DOK5: variants seen among roughly 807,000 people sequenced by gnomAD.
DOK5 encodes the protein downstream of tyrosine kinase 5.
Under a neutral mutation model 43.3 loss-of-function variants are expected in DOK5, and 27 were observed. The ratio of observed to expected loss-of-function variants is 0.62; its 90% confidence interval spans 0.46 to 0.86. DOK5 has a LOEUF of 0.86. Among genes scored for constraint, DOK5 ranks in the 40% least tolerant of loss-of-function variants. The pLI, the probability that DOK5 is intolerant of heterozygous loss-of-function variation, is 0.00. For synonymous variants in DOK5, 146 were observed against 140.1 expected, an observed-to-expected ratio of 1.04 and a Z score of -0.30; for missense variants, 373 against 392.9, an observed-to-expected ratio of 0.95 and a Z score of 0.43.
intron 6 of DOK5, among the ~76,000 whole-genome samples, chr20:54,617,170 G>T (rs1986840997): frequency 6.6e-6 from 1 of 152,086 alleles, no homozygotes; most frequent in African/African-American, 2.4e-5. Flanking sequence ...ACAGTTTCTT[G>T]CTGGCTGTTG....
intron 1 of DOK5, among the ~76,000 whole-genome samples, chr20:54,553,240 G>C (rs927873040): frequency 1.4e-3 from 214 of 152,266 alleles, no homozygotes; most frequent in Non-Finnish European, 2.4e-3. Flanking sequence ...CTGTCGCCCA[G>C]GCTGGAGTGC....
chr20:54,555,887 C>T (rs749219238), intron 2 of DOK5, among the ~76,000 whole-genome samples: 31 of 152,136 alleles, frequency 2.0e-4, no homozygotes, highest in Non-Finnish European at 4.1e-4. Context: ...AAATTTTATG[C>T]GAAACCAGTT....
intron 1 of DOK5, among the ~76,000 whole-genome samples, chr20:54,543,973 G>A (rs1568775747): frequency 1.3e-5 from 2 of 152,268 alleles, no homozygotes; most frequent in East Asian, 1.9e-4. Flanking sequence ...CCTGGAAGCA[G>A]TATTTCTGGG....
intron 1 of DOK5, among the ~76,000 whole-genome samples, chr20:54,499,090 G>A (rs956105915): frequency 1.3e-5 from 2 of 152,122 alleles, no homozygotes; most frequent in African/African-American, 4.8e-5. Flanking sequence ...CTTGTCCTAG[G>A]CCACATGGTC....
chr20:54,573,783 A>G (rs558568259), intron 2 of DOK5, among the ~76,000 whole-genome samples: 67 of 152,218 alleles, frequency 4.4e-4, no homozygotes, highest in Admixed American at 4.4e-3. Context: ...TAGCATCACA[A>G]TAAGGCCATG....
intron 1 of DOK5, among the ~76,000 whole-genome samples, chr20:54,508,108 T>A (rs1040428230): frequency 3.9e-5 from 6 of 152,106 alleles, no homozygotes; most frequent in African/African-American, 1.4e-4. Flanking sequence ...ATGCCAAAGT[T>A]GGGTTTAGAC....
chr20:54,478,124 C>A (rs762903525), intron 1 of DOK5, among the ~76,000 whole-genome samples: 4 of 152,290 alleles, frequency 2.6e-5, no homozygotes, highest in South Asian at 4.2e-4. Context: ...GAGAAAAGGT[C>A]AAAAATATGA....
At chr20:54,518,345 A>G (rs181987291) in intron 1 of DOK5, among the ~76,000 whole-genome samples, 3,188 of 151,646 alleles carry the variant, frequency 0.021, 118 homozygotes, top group African/African-American at 0.074. Context: ...TCATTGTTCA[A>G]TTCCCACCTA....
chr20:54,539,728 C>T (rs1319239166), intron 1 of DOK5, among the ~76,000 whole-genome samples: 3 of 152,122 alleles, frequency 2.0e-5, no homozygotes, highest in East Asian at 1.9e-4. Context: ...CTTGACTGCT[C>T]ATGTGTGAAT....
chr20:54,573,420 G>A lies in DOK5; in HGVS notation c.175-15063G>A, dbSNP rs911844393. ...TAATAAAGTTAGGCGAGGCGCGGTGGCTCATGCCTGTAATCCCAGCACTTT... is the reference window on the plus strand; with the variant it reads ...TAATAAAGTTAGGCGAGGCGCGGTGACTCATGCCTGTAATCCCAGCACTTT... On this transcript the variant is annotated intron_variant, in intron 2 of 7. Coordinates refer to ENST00000262593, the MANE Select transcript of DOK5 (RefSeq NM_018431.5). Among the ~76,000 whole-genome samples the A allele has an allele frequency of 1.2e-4, 18 of 152,254 alleles. No homozygotes were observed. The East Asian group carries it at 3.3e-3, about 28-fold the overall frequency.
intron 1 of DOK5, among the ~76,000 whole-genome samples, chr20:54,534,430 C>A (rs1181605837): frequency 6.6e-6 from 1 of 152,182 alleles, no homozygotes; most frequent in Non-Finnish European, 1.5e-5. Flanking sequence ...CCCAAGTGAT[C>A]TGCCTGCCTC....
At chr20:54,480,015 T>G (rs1470460860) in intron 1 of DOK5, among the ~76,000 whole-genome samples, 3 of 151,862 alleles carry the variant, frequency 2.0e-5, no homozygotes, top group Admixed American at 2.0e-4. Flanking sequence ...CCTCCTCATC[T>G]CCTCCCTGTA....
chr20:54,482,322 A>G (rs1981751843), intron 1 of DOK5, among the ~76,000 whole-genome samples: 2 of 152,090 alleles, frequency 1.3e-5, no homozygotes, highest in African/African-American at 2.4e-5. Context: ...AAAAATAAAC[A>G]TTTTCTAATT....
chr20:54,479,435 G>A (rs970033052), intron 1 of DOK5, among the ~76,000 whole-genome samples: 2 of 152,130 alleles, frequency 1.3e-5, no homozygotes, highest in African/African-American at 2.4e-5. Context: ...TCGATTAAAT[G>A]CACTAAAAAT....
intron 1 of DOK5, among the ~76,000 whole-genome samples, chr20:54,511,497 A>G (rs1340590613): frequency 1.3e-5 from 2 of 152,356 alleles, no homozygotes; most frequent in East Asian, 3.9e-4. Flanking sequence ...CTAGTATGCT[A>G]GTTTGTTATA....
chr20:54,524,992 T>C (rs1442591617), intron 1 of DOK5, among the ~76,000 whole-genome samples: 2 of 152,184 alleles, frequency 1.3e-5, no homozygotes, highest in African/African-American at 4.8e-5. Context: ...TTGAGGGTGT[T>C]CCCAAGCGGG....
At chr20:54,579,426 C>T (rs917381071) in intron 2 of DOK5, among the ~76,000 whole-genome samples, 1 of 151,486 alleles carries the variant, frequency 6.6e-6, no homozygotes, top group African/African-American at 2.4e-5. Flanking sequence ...TAAGACTTAC[C>T]CACTTAACAA....
chr20:54,587,946 A>G (rs1985861094), intron 2 of DOK5, among the ~76,000 whole-genome samples: 1 of 152,188 alleles, frequency 6.6e-6, no homozygotes, highest in Admixed American at 6.5e-5. Context: ...GTCGTTTCTG[A>G]GACTCTTGAC....
intron 1 of DOK5, among the ~76,000 whole-genome samples, chr20:54,507,088 G>A (rs1454227158): frequency 6.6e-6 from 1 of 152,162 alleles, no homozygotes; most frequent in African/African-American, 2.4e-5. Flanking sequence ...TATAAAATCA[G>A]TCATTTGTTT....
Sources: allele counts gnomAD v4.1 joint callset (sites outside exome capture counted in the v4.1 genomes callset), GRCh38; gene constraint gnomAD v4.1.1; transcripts MANE v1.5; gene names NCBI Gene and HGNC (gene_info 2026-07-23, HGNC 2026-07-21).